Variants in SLC2A1 observed in about 807,000 individuals in gnomAD.
The protein encoded by SLC2A1 is solute carrier family 2 member 1.
A neutral mutation model predicts 46.6 loss-of-function variants in SLC2A1; 4 were observed. The observed-to-expected ratio is 0.09, with a 90% CI of 0.04 to 0.20. The LOEUF is 0.20. Ranked by LOEUF, SLC2A1 falls within the 10% of genes least tolerant of loss-of-function variation. SLC2A1 has a pLI of 1.00. For synonymous variants in SLC2A1, 253 were observed against 270.0 expected (o/e 0.94, Z 0.62); for missense variants, 352 against 667.0 (o/e 0.53, Z 5.20).
rs1405782294 is a variant in SLC2A1 at position 42,925,649 on chromosome 1, G to A, written c.*1392C>T. On this transcript the variant is annotated 3_prime_UTR_variant, in exon 10 of 10. Transcript: ENST00000426263. ...GCAATTCCAAATGAAATGAACACAG[G>A]GCAGCTTGACAGCTCATTGGGCCCA... The A allele has an allele frequency of 6.6e-6, 1 of 152,214 alleles. No individual in the cohort carries two copies. Among genetic ancestry groups the A allele is most frequent in the Non-Finnish European group, 1.5e-5 (1 of 68,060 alleles). The allele number at this position is 152,214 out of a possible 1,614,324, so 9.4% of individuals were successfully genotyped here. A position where few individuals can be genotyped will look rare whatever the true frequency, so the allele number is the denominator to read the frequency against.
At chr1:42,958,037 C>A (rs1360977770) in intron 1 of SLC2A1, among the ~76,000 whole-genome samples, 1 of 152,236 alleles carries the variant, frequency 6.6e-6, no homozygotes, top group Non-Finnish European at 1.5e-5. Context: ...AAGTGCCCTC[C>A]CCTCGGCCTC....
At chr1:42,947,850 G>T (rs1050497518) in intron 1 of SLC2A1, among the ~76,000 whole-genome samples, 12 of 152,312 alleles carry the variant, frequency 7.9e-5, no homozygotes, top group African/African-American at 2.9e-4. Flanking sequence ...GGCTCTGTGA[G>T]TATCTGTTGT....
intron 1 of SLC2A1, 133 bp from the exon 2 acceptor site, chr1:42,943,454 G>A (rs1046557660): frequency 5.2e-6 from 4 of 766,164 alleles, no homozygotes; most frequent in Non-Finnish European, 9.0e-6. Flanking sequence ...TTTCTCCCAG[G>A]AAACTTGGCC....
chr1:42,948,766 T>C (rs1290390726), intron 1 of SLC2A1, among the ~76,000 whole-genome samples: 1 of 151,878 alleles, frequency 6.6e-6, no homozygotes, highest in Non-Finnish European at 1.5e-5. Context: ...CTGTCTCTAC[T>C]AAAAATAGAA....
intron 1 of SLC2A1, among the ~76,000 whole-genome samples, chr1:42,958,253 C>T (rs1367815363): frequency 6.6e-6 from 1 of 151,566 alleles, no homozygotes; most frequent in East Asian, 2.0e-4. Context: ...GGCCCCCTCC[C>T]CCGCACCGGG....
chr1:42,931,525 A>G (rs915821314), intron 2 of SLC2A1, among the ~76,000 whole-genome samples: 2 of 152,254 alleles, frequency 1.3e-5, no homozygotes. Flanking sequence ...AAGTTCAGGC[A>G]TAGAACAGAG....
chr1:42,944,410 C>T (rs1025680431), intron 1 of SLC2A1, among the ~76,000 whole-genome samples: 2 of 152,112 alleles, frequency 1.3e-5, no homozygotes. Flanking sequence ...AACAGGGCTG[C>T]GGGAGGCATG....
chr1:42,928,872 G>A (rs1643455395), intron 8 of SLC2A1, 60 bp downstream of exon 8: 6 of 1,455,490 alleles, frequency 4.1e-6, no homozygotes, highest in Non-Finnish European at 5.8e-6. Flanking sequence ...AGGCATTTTG[G>A]GATATGAAGC....
chr1:42,933,833 A>G (rs1643516303), intron 2 of SLC2A1, among the ~76,000 whole-genome samples: 1 of 152,116 alleles, frequency 6.6e-6, no homozygotes, highest in Non-Finnish European at 1.5e-5. Flanking sequence ...CAGACCTACA[A>G]GCAGGGCTGC....
chr1:42,956,815 G>A (rs1473841659), intron 1 of SLC2A1, among the ~76,000 whole-genome samples: 2 of 152,212 alleles, frequency 1.3e-5, no homozygotes, highest in African/African-American at 4.8e-5. Context: ...GTGGTGAAGA[G>A]AGACAGTGGA....
chr1:42,938,489 A>G (rs1368757228), intron 2 of SLC2A1, among the ~76,000 whole-genome samples: 1 of 152,208 alleles, frequency 6.6e-6, no homozygotes, highest in Non-Finnish European at 1.5e-5. Flanking sequence ...ATAAGGTAGT[A>G]TGATTAATTA....
chr1:42,958,485 G>A (rs1442439782), intron 1 of SLC2A1, 149 bp downstream of exon 1: 2 of 436,282 alleles, frequency 4.6e-6, no homozygotes, highest in Non-Finnish European at 6.9e-6. Context: ...CTGCGCTCGG[G>A]ACCCGCACCG....
rs71577684 is a variant in SLC2A1, at chr1:42,956,407, CAAAAAA to C, written c.18+2221_18+2226del. Among the ~76,000 whole-genome samples, 425 of 44,514 alleles carry C rather than the reference CAAAAAA, an allele frequency of 9.5e-3. 1 individual carries two copies. Among genetic ancestry groups the C allele is most frequent in the African/African-American group, 0.04 (380 of 9,480 alleles). 29.2% of individuals were successfully genotyped at this position (44,514 alleles called of 152,430 possible). ...AGAAACCCCGTCTCTACTAAAACTA[CAAAAAA>C]AAAAAAAAAAAAAAAAAAAACATTA... On this transcript the variant is annotated intron_variant, in intron 1 of 9. Coordinates refer to ENST00000426263, the MANE Select transcript of SLC2A1 (RefSeq NM_006516.4).
chr1:42,931,290 A>G, intron 2 of SLC2A1, 84 bp from the exon 3 acceptor site: 1 of 1,391,274 alleles, frequency 7.2e-7, no homozygotes, highest in Non-Finnish European at 9.9e-7. Context: ...ACCCCTCCCT[A>G]AGAGAGGGCC....
Position 42,930,467 on chromosome 1 carries a change from A to G in SLC2A1, c.516+159T>C, listed in dbSNP as rs776004935. 6 of 962,288 alleles carry G rather than the reference A, an allele frequency of 6.2e-6. No individual in the cohort carries two copies. Among genetic ancestry groups the G allele is most frequent in the Non-Finnish European group, 9.8e-6 (6 of 609,928 alleles). The allele number at this position is 962,288 out of a possible 1,614,324, so 59.6% of individuals were successfully genotyped here. A position where few individuals can be genotyped will look rare whatever the true frequency, so the allele number is the denominator to read the frequency against. On this transcript the variant is annotated intron_variant, in intron 4 of 9. Transcript: ENST00000426263. The surrounding 1 kb of genome is among the most constrained non-coding windows in gnomAD (Gnocchi z 6.2). ...TCATCTTGCTGTCAACTGGGAGGCC[A>G]TGGTGCTGTGTTCTCTGGACCTGTG...
In SLC2A1 at chr1:42,946,718, T is replaced by C. The variant is rs1472097151; in HGVS notation, c.19-3397A>G. 2.6e-5 allele frequency among the ~76,000 whole-genome samples: 4 copies of C among 152,112 alleles called. No homozygotes were observed. In the South Asian group the frequency reaches 6.2e-4, roughly 24 times the overall value. On this transcript the variant is annotated intron_variant, in intron 1 of 9. Transcript: ENST00000426263. ...TCAGATTAAGAAACAGCGTGCTCAG[T>C]GTGGCTCAGTGCTAGGTGTAGGGGG...
intron 1 of SLC2A1, chr1:42,952,247 C>A: frequency 2.4e-6 from 1 of 415,704 alleles, no homozygotes; most frequent in South Asian, 1.9e-5. Context: ...TGAGACCATG[C>A]AGTGAAAATG....
intron 1 of SLC2A1, among the ~76,000 whole-genome samples, chr1:42,944,194 G>C (rs748142830): frequency 1.3e-5 from 2 of 152,214 alleles, no homozygotes; most frequent in African/African-American, 2.4e-5. Flanking sequence ...GAGAGAAAAA[G>C]AGCAGTTTGC....
At chr1:42,943,743 G>C (rs1007275791) in intron 1 of SLC2A1, among the ~76,000 whole-genome samples, 2 of 152,192 alleles carry the variant, frequency 1.3e-5, no homozygotes, top group Non-Finnish European at 2.9e-5. Context: ...ATAGATAGGA[G>C]AAGCACCCTG....
Sources: allele counts gnomAD v4.1 joint callset (sites outside exome capture counted in the v4.1 genomes callset), GRCh38; gene constraint gnomAD v4.1.1; non-coding constraint Gnocchi (gnomAD v3.1); transcripts MANE v1.5; gene names NCBI Gene and HGNC (gene_info 2026-07-23, HGNC 2026-07-21).